Variants in TNS3 observed in about 807,000 individuals in gnomAD.
TNS3 encodes tensin 3, also known as tensin-3.
In TNS3, 45 loss-of-function variants were observed where a neutral mutation model predicts 140.9. That is an observed-to-expected ratio of 0.32 (90% CI 0.25 to 0.41). TNS3 has a LOEUF of 0.41. Ranked by LOEUF, TNS3 falls within the 10% of genes least tolerant of loss-of-function variation. TNS3 has a pLI of 1.00. For synonymous variants in TNS3, 815 were observed against 788.4 expected (o/e 1.03, Z -0.56); for missense variants, 1,716 against 1,906.7 (o/e 0.90, Z 1.86).
At chr7:47,406,726 A>G (rs1793471234) in intron 13 of TNS3, among the ~76,000 whole-genome samples, 1 of 152,216 alleles carries the variant, frequency 6.6e-6, no homozygotes, top group Admixed American at 6.5e-5. Flanking sequence ...TCTCCAAGCC[A>G]TGACTGTTGC....
chr7:47,376,105 C>T (rs1354529964), intron 16 of TNS3, among the ~76,000 whole-genome samples: 1 of 152,196 alleles, frequency 6.6e-6, no homozygotes, highest in African/African-American at 2.4e-5. Context: ...TGACTAAGCA[C>T]TTGCTATGAT....
chr7:47,323,242 G>A (rs926838559), intron 20 of TNS3, among the ~76,000 whole-genome samples: 1 of 152,210 alleles, frequency 6.6e-6, no homozygotes, highest in Non-Finnish European at 1.5e-5. Context: ...TAAAATGACA[G>A]CTTTTCTGAG....
intron 20 of TNS3, among the ~76,000 whole-genome samples, chr7:47,318,436 A>G (rs1469773678): frequency 6.6e-6 from 1 of 152,164 alleles, no homozygotes; most frequent in African/African-American, 2.4e-5. Context: ...TACTTGCAAC[A>G]GGAAACAGAC....
intron 16 of TNS3, among the ~76,000 whole-genome samples, chr7:47,387,540 C>T (rs80177965): frequency 2.8e-4 from 43 of 152,326 alleles, no homozygotes; most frequent in African/African-American, 1.0e-3. Flanking sequence ...TCCCTGTCCC[C>T]ATAAGGACAA....
chr7:47,533,471 C>A (rs536963165), intron 1 of TNS3, among the ~76,000 whole-genome samples: 2 of 150,348 alleles, frequency 1.3e-5, no homozygotes, highest in East Asian at 2.0e-4. Flanking sequence ...AAAAGAGGTA[C>A]CTTGCTGATG....
At chr7:47,410,620 G>C (rs1793716163) in intron 13 of TNS3, among the ~76,000 whole-genome samples, 1 of 152,192 alleles carries the variant, frequency 6.6e-6, no homozygotes, top group African/African-American at 2.4e-5. Flanking sequence ...GCAAGGTAGG[G>C]AGTTCACCAT....
intron 4 of TNS3, among the ~76,000 whole-genome samples, chr7:47,472,649 A>T (rs1050643432): frequency 2.0e-5 from 3 of 152,150 alleles, no homozygotes; most frequent in Admixed American, 1.3e-4. Context: ...AGGCGTCTAG[A>T]CCAGAAGGCG....
intron 16 of TNS3, among the ~76,000 whole-genome samples, chr7:47,383,686 G>A (rs1054885169): frequency 7.2e-5 from 11 of 152,188 alleles, no homozygotes; most frequent in African/African-American, 2.7e-4. Flanking sequence ...CAAAGCGTCT[G>A]GGGACAGAGG....
chr7:47,328,471 G>C (rs1788152116), intron 20 of TNS3, among the ~76,000 whole-genome samples: 1 of 152,034 alleles, frequency 6.6e-6, no homozygotes, highest in African/African-American at 2.4e-5. Context: ...GGCAGGACCT[G>C]CCCACCATGC....
At chr7:47,489,064 T>C (rs1042612080) in intron 3 of TNS3, among the ~76,000 whole-genome samples, 2 of 152,206 alleles carry the variant, frequency 1.3e-5, no homozygotes, top group East Asian at 3.9e-4. Context: ...GGCTTGACCC[T>C]GGAATCCCTA....
Position 47,437,358 on chromosome 7 carries a change from T to C in TNS3, c.151-45A>G, listed in dbSNP as rs1197094375. On this transcript the variant is annotated intron_variant, in intron 6 of 30. Coordinates refer to ENST00000311160, the MANE Select transcript of TNS3 (RefSeq NM_022748.12). Reference sequence around the variant, plus strand: ...TTGCCTTGCATAAAATAGATTTTAATATTTTAAAAATTAATACTTTAATTT... The same window carrying C: ...TTGCCTTGCATAAAATAGATTTTAACATTTTAAAAATTAATACTTTAATTT... The C allele has an allele frequency of 4.1e-6, 4 of 979,230 alleles. No individual in the cohort carries two copies. In the East Asian group the frequency reaches 1.0e-4, roughly 25 times the overall value. The allele number at this position is 979,230 out of a possible 1,614,324, so 60.7% of individuals were successfully genotyped here.
chr7:47,348,246 C>T lies in TNS3; in HGVS notation c.2282-1890G>A, dbSNP rs565072753. ...AGGCGATAGCCCTGGGTGTTAGTGACGGAAAGGAAGTGTCATGGCCACAGA... is the reference window on the plus strand; with the variant it reads ...AGGCGATAGCCCTGGGTGTTAGTGATGGAAAGGAAGTGTCATGGCCACAGA... On this transcript the variant is annotated intron_variant, in intron 17 of 30. Transcript: ENST00000311160. Among the ~76,000 whole-genome samples the T allele has an allele frequency of 5.9e-5, 9 of 152,334 alleles. No homozygotes were observed. In the South Asian group the frequency reaches 1.2e-3, roughly 21 times the overall value.
chr7:47,349,820 A>G (rs1789559684), intron 17 of TNS3, among the ~76,000 whole-genome samples: 1 of 152,228 alleles, frequency 6.6e-6, no homozygotes, highest in Admixed American at 6.5e-5. Context: ...AGGTAGTTAC[A>G]AAAGAAAGAA....
chr7:47,302,091 GCC>G, intron 23 of TNS3, 93 bp downstream of exon 23: 2 of 1,004,610 alleles, frequency 2.0e-6, no homozygotes, highest in Non-Finnish European at 3.1e-6. Flanking sequence ...GGCCACGGCT[GCC>G]CGATGTTCCC....
chr7:47,574,626 G>GAAACAC (rs1800630812), intron 1 of TNS3, among the ~76,000 whole-genome samples: 1 of 145,654 alleles, frequency 6.9e-6, no homozygotes, highest in Non-Finnish European at 1.5e-5. Context: ...TATTCATACA[G>GAAACAC]ACACACACAC....
intron 16 of TNS3, among the ~76,000 whole-genome samples, chr7:47,379,590 T>C (rs1417102886): frequency 6.6e-6 from 1 of 152,238 alleles, no homozygotes; most frequent in East Asian, 1.9e-4. Flanking sequence ...TTCCTCTTTT[T>C]TTATTTTTGT....
intron 30 of TNS3, chr7:47,279,840 T>C (rs1374903379): frequency 1.2e-5 from 5 of 403,852 alleles, no homozygotes; most frequent in East Asian, 1.0e-4. Flanking sequence ...CAATTCCTTC[T>C]AGCTGTGCAG....
chr7:47,376,487 G>A (rs1791392665), intron 16 of TNS3, among the ~76,000 whole-genome samples: 1 of 152,120 alleles, frequency 6.6e-6, no homozygotes, highest in African/African-American at 2.4e-5. Flanking sequence ...ACACTGTTAG[G>A]CCCCAGGGAT....
rs1784830883 is a variant in TNS3 at position 47,275,425 on chromosome 7, C to A, written c.*2651G>T. 3 of 164,040 alleles carry A rather than the reference C, an allele frequency of 1.8e-5. No individual in the cohort carries two copies. In the South Asian group the frequency reaches 4.9e-4, roughly 27 times the overall value. 10.2% of individuals were successfully genotyped at this position (164,040 alleles called of 1,614,324 possible). On this transcript the variant is annotated 3_prime_UTR_variant, in exon 31 of 31. Coordinates refer to ENST00000311160, the MANE Select transcript of TNS3 (RefSeq NM_022748.12). ...TCTTTTACTGAGTAGTTAGTAGGAC[C>A]CTGGCTATAACATGCGTTGGGCACA...
Sources: allele counts gnomAD v4.1 joint callset (sites outside exome capture counted in the v4.1 genomes callset), GRCh38; gene constraint gnomAD v4.1.1; transcripts MANE v1.5; gene names NCBI Gene and HGNC (gene_info 2026-07-23, HGNC 2026-07-21).